GATB: variants seen among roughly 807,000 people sequenced by gnomAD.
GATB encodes the protein glutamyl-tRNA amidotransferase subunit B.
A neutral mutation model predicts 62.3 loss-of-function variants in GATB; 39 were observed. The ratio of observed to expected loss-of-function variants is 0.63; its 90% CI spans 0.48 to 0.82. The LOEUF (loss-of-function observed/expected upper bound fraction) is 0.82. GATB is among the 40% of genes least tolerant of loss of function. The pLI is 0.00. For synonymous variants in GATB, 276 were observed against 258.9 expected, an observed-to-expected ratio of 1.07 and a Z score of -0.63; for missense variants, 670 against 684.0, an observed-to-expected ratio of 0.98 and a Z score of 0.23.
At chr4:151,696,197 T>G (rs556981925) in intron 9 of GATB, among the ~76,000 whole-genome samples, 1 of 152,226 alleles carries the variant, frequency 6.6e-6, no homozygotes, top group East Asian at 1.9e-4. Context: ...TTTTTTCACT[T>G]GGAAAATAGA....
chr4:151,681,222 G>C (rs550458959), intron 10 of GATB, among the ~76,000 whole-genome samples: 2 of 152,210 alleles, frequency 1.3e-5, no homozygotes, highest in Non-Finnish European at 2.9e-5. Flanking sequence ...TCTAATTCAA[G>C]TGCAGTGAAA....
At chr4:151,677,171 C>T (rs1352786929) in intron 11 of GATB, 1 of 152,192 alleles carries the variant, frequency 6.6e-6, no homozygotes, top group African/African-American at 2.4e-5. Context: ...TCTGTTCTGG[C>T]TCACAGCTTT....
intron 2 of GATB, among the ~76,000 whole-genome samples, chr4:151,753,321 C>T (rs1322877693): frequency 1.3e-5 from 2 of 152,110 alleles, no homozygotes; most frequent in Non-Finnish European, 2.9e-5. Context: ...CCTCAGCCAG[C>T]CTTCCACAAT....
rs376266443 is a variant in GATB, at chr4:151,705,139, G to A, written c.962+46C>T. The A allele has an allele frequency of 6.0e-5, 83 of 1,372,394 alleles. No homozygotes were observed. The Middle Eastern group carries it at 7.2e-4, about 12-fold the overall frequency. The allele number at this position is 1,372,394 out of a possible 1,614,324, so 85.0% of individuals were successfully genotyped here. On this transcript the variant is annotated intron_variant, in intron 7 of 12. Coordinates refer to ENST00000263985, the MANE Select transcript of GATB (RefSeq NM_004564.3). ...GTCAGTGGCTGAGCCCAGCCCTCTCGCACCACCCCCGGCTGTGGTCAGGAC... is the reference window on the plus strand; with the variant it reads ...GTCAGTGGCTGAGCCCAGCCCTCTCACACCACCCCCGGCTGTGGTCAGGAC...
At chr4:151,708,901 G>C (rs566120364) in intron 5 of GATB, among the ~76,000 whole-genome samples, 4 of 152,302 alleles carry the variant, frequency 2.6e-5, no homozygotes, top group African/African-American at 4.8e-5. Flanking sequence ...TTGAGGAAGA[G>C]AGAGAGAGAA....
At position 151,719,449 on chromosome 4, in the gene GATB, C is replaced by G. The variant is rs1456290618; in HGVS notation, c.417G>C (p.Lys139Asn). The G allele has an allele frequency of 6.2e-7, 1 of 1,611,998 alleles. No individual in the cohort carries two copies. The highest frequency in any genetic ancestry group is 1.7e-5 in the Admixed American group (1 of 59,754). Reference protein sequence around the residue: ...HINKKSLFDRKHYFYADLPAG... With the variant: ...HINKKSLFDRNHYFYADLPAG... The stretch of plus-strand genomic sequence containing the variant: ...CAGGGAGGTCTGCATAGAAGTAGTG[C>G]TTCCTGTCAAACAAGGACTTCTTGT... Residue 139 changes from lysine to asparagine, a missense_variant, in exon 3 of 13, where the codon AAG becomes AAC. Lys to Asn is a moderately conservative substitution (Grantham distance 94). Coordinates refer to ENST00000263985, the MANE Select transcript of GATB (RefSeq NM_004564.3).
intron 5 of GATB, among the ~76,000 whole-genome samples, chr4:151,713,065 A>G (rs1578917205): frequency 6.6e-6 from 1 of 152,184 alleles, no homozygotes; most frequent in South Asian, 2.1e-4. Context: ...TAGGAGCACG[A>G]ACCCTATTGT....
intron 2 of GATB, among the ~76,000 whole-genome samples, chr4:151,755,071 T>C (rs1739800041): frequency 6.6e-6 from 1 of 152,246 alleles, no homozygotes; most frequent in Non-Finnish European, 1.5e-5. Context: ...TTTTAATTAA[T>C]TACCTGTTAT....
chr4:151,736,292 A>G (rs1216986597), intron 2 of GATB, among the ~76,000 whole-genome samples: 2 of 152,322 alleles, frequency 1.3e-5, no homozygotes, highest in East Asian at 1.9e-4. Context: ...TACATGCATA[A>G]TCAAGAGTAT....
chr4:151,673,258 G>C (rs898464139), intron 11 of GATB: 2 of 180,444 alleles, frequency 1.1e-5, no homozygotes, highest in East Asian at 1.4e-4. Flanking sequence ...CACATGGCGG[G>C]GGGGGGCCGC....
chr4:151,754,874 G>A (rs1226710692), intron 2 of GATB, among the ~76,000 whole-genome samples: 2 of 152,094 alleles, frequency 1.3e-5, no homozygotes, highest in Admixed American at 1.3e-4. Context: ...GTTAGTTTTT[G>A]TTGGCAGATC....
rs375371560 is a variant in GATB at position 151,760,896 on chromosome 4, C to A, written c.87G>T (p.Gly29=). The change falls in exon 1 of 13, where the codon GGG becomes GGT. Residue 29 remains glycine (G), a synonymous_variant. Coordinates refer to ENST00000263985, the MANE Select transcript of GATB (RefSeq NM_004564.3). The part of the protein sequence containing the change: ...RVDGGSCHRR[G]APTGSTSNQI... ...GGTTGGATGTGGACCCAGTCGGAGC[C>A]CCTCTTCGGTGGCAAGAACCACCGT... 38 of 1,613,926 alleles carry A rather than the reference C, an allele frequency of 2.4e-5. No homozygotes were observed. The African/African-American group carries it at 4.7e-4, about 20-fold the overall frequency.
chr4:151,731,678 C>G (rs1251098549), intron 2 of GATB, among the ~76,000 whole-genome samples: 10 of 152,092 alleles, frequency 6.6e-5, no homozygotes, highest in Non-Finnish European at 1.5e-4. Flanking sequence ...AGGAGCGTCT[C>G]TGCCCGGCCG....
Position 151,688,694 on chromosome 4 carries a change from T to A in GATB, c.1267A>T (p.Thr423Ser). The A allele has an allele frequency of 6.2e-7, 1 of 1,613,538 alleles. No individual in the cohort carries two copies. Among genetic ancestry groups the A allele is most frequent in the Non-Finnish European group, 8.5e-7 (1 of 1,179,840 alleles). ...AGAAAAGTGTTGAGGACCCAACTAG[T>A]CACCTTTTTTGGCTCTGCCCTAGTT... Reference protein sequence around the residue: ...KETRAEPKKVTSWVLNTFLGY... With the variant: ...KETRAEPKKVSSWVLNTFLGY... The change falls in exon 10 of 13, where the codon ACT becomes TCT. Residue 423 changes from threonine to serine, a missense_variant. Physicochemically the swap from Thr to Ser is moderately conservative, Grantham distance 58. Coordinates refer to ENST00000263985, the MANE Select transcript of GATB (RefSeq NM_004564.3).
In GATB at chr4:151,755,676, T is replaced by G. The variant is rs79486447; in HGVS notation, c.327+3096A>C. 1.2e-3 allele frequency among the ~76,000 whole-genome samples: 188 copies of G among 152,374 alleles called. 2 individuals carry two copies. In the East Asian group the frequency reaches 0.032, roughly 26 times the overall value. ...ACATTTAACTTATATTATATATATA[T>G]GAACTTTGTTTTGATGTGTGAAATG... is the stretch of plus-strand genomic sequence containing the variant. On this transcript the variant is annotated intron_variant, in intron 2 of 12. Coordinates refer to ENST00000263985, the MANE Select transcript of GATB (RefSeq NM_004564.3).
intron 2 of GATB, among the ~76,000 whole-genome samples, chr4:151,750,555 T>C (rs1366271796): frequency 6.6e-6 from 1 of 152,192 alleles, no homozygotes; most frequent in East Asian, 1.9e-4. Flanking sequence ...TGAGATAAGT[T>C]ACAAGATAAG....
chr4:151,726,096 C>A (rs1161119467), intron 2 of GATB, among the ~76,000 whole-genome samples: 1 of 152,148 alleles, frequency 6.6e-6, no homozygotes, highest in Non-Finnish European at 1.5e-5. Flanking sequence ...CTATACATGA[C>A]AAATCTGATA....
chr4:151,759,312 A>C (rs992650652), intron 1 of GATB, among the ~76,000 whole-genome samples: 2 of 152,226 alleles, frequency 1.3e-5, no homozygotes, highest in South Asian at 2.1e-4. Flanking sequence ...TCACTCAGTA[A>C]ATGATGAAAG....
intron 2 of GATB, among the ~76,000 whole-genome samples, chr4:151,736,003 C>T (rs1425152047): frequency 1.3e-5 from 2 of 151,680 alleles, no homozygotes. Context: ...ACCACTTGTA[C>T]CCCAATAACT....
Sources: allele counts gnomAD v4.1 joint callset (sites outside exome capture counted in the v4.1 genomes callset), GRCh38; gene constraint gnomAD v4.1.1; transcripts MANE v1.5; gene names NCBI Gene and HGNC (gene_info 2026-07-23, HGNC 2026-07-21).